The following CABP1 variants were observed in gnomAD, a reference collection of about 807,000 sequenced individuals.
CABP1 encodes calcium-binding protein 1.
A neutral mutation model predicts 34.3 loss-of-function variants in CABP1; 17 were observed. The observed-to-expected ratio is 0.50, with a 90% CI of 0.34 to 0.74. The LOEUF (loss-of-function observed/expected upper bound fraction) is 0.74, where lower values mean the gene tolerates loss of function less well. Among genes scored for constraint, CABP1 ranks in the 30% least tolerant of loss-of-function variants. The pLI, the probability that CABP1 is intolerant of heterozygous loss-of-function variation, is 0.01. For synonymous variants in CABP1, 198 were observed against 229.2 expected (o/e 0.86, Z 1.23); for missense variants, 373 against 511.1 (o/e 0.73, Z 2.61).
At chr12:120,674,633 A>C in the CABP1 span, among the ~76,000 whole-genome samples, 1 of 152,180 alleles carries the variant, frequency 6.6e-6, no homozygotes, top group African/African-American at 2.4e-5. Context: ...CCATGCCTGT[A>C]ATCTCAGCAC....
At chr12:120,669,856 G>A (rs137987009), downstream of CABP1, among the ~76,000 whole-genome samples, 324 of 152,306 alleles carry the variant, frequency 2.1e-3, no homozygotes, top group African/African-American at 7.4e-3. Flanking sequence ...GGTAAGGGGA[G>A]GCCCAGGGCA....
chr12:120,670,235 T>G (rs1358677472), downstream of CABP1, among the ~76,000 whole-genome samples: 1 of 152,190 alleles, frequency 6.6e-6, no homozygotes, highest in Non-Finnish European at 1.5e-5. Context: ...CCTCAAGGGA[T>G]CCTTCCACCT....
chr12:120,656,299 G>A (rs371657166), intron 1 of CABP1: 50 of 1,511,216 alleles, frequency 3.3e-5, no homozygotes, highest in Non-Finnish European at 3.8e-5. Context: ...AGTGGAGCCC[G>A]CTGAACTTGG....
chr12:120,640,724 G>A lies in CABP1; in HGVS notation c.39G>A (p.Gly13=). 6 of 1,185,940 alleles carry A rather than the reference G, an allele frequency of 5.1e-6. No individual in the cohort carries two copies. The highest frequency in any genetic ancestry group is 6.3e-6 in the Non-Finnish European group (6 of 958,456). The allele number at this position is 1,185,940 out of a possible 1,614,324, so 73.5% of individuals were successfully genotyped here. A position where few individuals can be genotyped will look rare whatever the true frequency, so the allele number is the denominator to read the frequency against. Residue 13 remains glycine (G), a synonymous_variant, in exon 1 of 6, where the codon GGG becomes GGA. Transcript: ENST00000316803. The surrounding 1 kb of genome is among the most constrained non-coding windows in gnomAD (Gnocchi z 6.2). ...GGDGAAFKRP[G]DGARLQRVLG... ...ACGGGGCCGCATTTAAGCGGCCGGG[G>A]GACGGCGCCCGCCTCCAGCGCGTCC...
chr12:120,651,789 A>G (rs1879863292), intron 1 of CABP1, among the ~76,000 whole-genome samples: 1 of 152,036 alleles, frequency 6.6e-6, no homozygotes, highest in South Asian at 2.1e-4. Flanking sequence ...TGTTCCTTAG[A>G]TCCTTCCAAG....
chr12:120,648,318 T>C (rs1204979945), intron 1 of CABP1, among the ~76,000 whole-genome samples: 1 of 152,084 alleles, frequency 6.6e-6, no homozygotes, highest in Non-Finnish European at 1.5e-5. Flanking sequence ...AGCTCTAATA[T>C]CTCCTGCCCA....
chr12:120,659,863 G>A lies in CABP1; in HGVS notation c.655-15G>A. 6 of 1,612,748 alleles carry A rather than the reference G, an allele frequency of 3.7e-6. No homozygotes were observed. Among genetic ancestry groups the A allele is most frequent in the Non-Finnish European group, 5.1e-6 (6 of 1,179,630 alleles). On this transcript the variant is annotated splice_polypyrimidine_tract_variant and intron_variant, in intron 1 of 5. Transcript: ENST00000316803. ...TCCCTTGTCGCGGCTAATAGGACAT[G>A]TTCTTTTGTTTCAGGATAGATCACT... is the stretch of plus-strand genomic sequence containing the variant.
intron 1 of CABP1, among the ~76,000 whole-genome samples, chr12:120,657,691 T>C (rs892397780): frequency 1.3e-5 from 2 of 152,210 alleles, no homozygotes; most frequent in African/African-American, 4.8e-5. Context: ...CAGCCATCAG[T>C]GCTCAGCAGA....
At chr12:120,664,367 C>G (rs1368590073) in intron 5 of CABP1, among the ~76,000 whole-genome samples, 1 of 152,096 alleles carries the variant, frequency 6.6e-6, no homozygotes, top group African/African-American at 2.4e-5. Context: ...TTAGAGCCCC[C>G]CAAAATGGGA....
chr12:120,655,998 C>T (rs775538231), intron 1 of CABP1: 1 of 1,581,424 alleles, frequency 6.3e-7, no homozygotes, highest in Non-Finnish European at 8.6e-7. Context: ...CTCAGGGTCC[C>T]CTCTTGCGGA....
chr12:120,668,915 G>A (rs1459876245), downstream of CABP1, among the ~76,000 whole-genome samples: 1 of 152,124 alleles, frequency 6.6e-6, no homozygotes, highest in Non-Finnish European at 1.5e-5. Context: ...CCCAGATCTG[G>A]GCCACCCCCG....
intron 1 of CABP1, among the ~76,000 whole-genome samples, chr12:120,652,375 T>C (rs77020048): frequency 1.3e-5 from 2 of 149,804 alleles, no homozygotes; most frequent in East Asian, 1.9e-4. Flanking sequence ...TTTTTTTTTT[T>C]CTAAATATCT....
At chr12:120,652,530 C>A (rs967380018) in intron 1 of CABP1, among the ~76,000 whole-genome samples, 2 of 152,086 alleles carry the variant, frequency 1.3e-5, no homozygotes, top group Non-Finnish European at 2.9e-5. Flanking sequence ...GGATTTAAAC[C>A]CTGGTCTGTG....
intron 1 of CABP1, among the ~76,000 whole-genome samples, chr12:120,642,422 T>G (rs554892456): frequency 1.3e-5 from 2 of 152,320 alleles, no homozygotes; most frequent in East Asian, 3.9e-4. Flanking sequence ...ATCTGCACAT[T>G]TCTTTTCAAA....
rs1880607965 is a variant in CABP1 at position 120,661,232 on chromosome 12, G to C, written c.1087+14G>C. ...TGGACTTTGAAGGTAGGTGGGGCTT[G>C]AAAGTGGGAGAGAAGCAAGCCAGCA... On this transcript the variant is annotated intron_variant, in intron 5 of 5. Transcript: ENST00000316803. This position sits in a 1 kb window ranked among gnomAD's most constrained non-coding sequence, Gnocchi z 5.1. The C allele has an allele frequency of 1.2e-6, 2 of 1,600,500 alleles. No homozygotes were observed. Among genetic ancestry groups the C allele is most frequent in the Non-Finnish European group, 1.7e-6 (2 of 1,178,168 alleles).
intron 1 of CABP1, among the ~76,000 whole-genome samples, chr12:120,652,348 T>G (rs2137340098): frequency 6.8e-6 from 1 of 148,094 alleles, no homozygotes; most frequent in East Asian, 1.9e-4. Context: ...GTTTCTATCA[T>G]AGTATTAATA....
chr12:120,666,851 C>G (rs1354289057), intron 5 of CABP1, 24 bp from the exon 6 acceptor site: 1 of 1,599,818 alleles, frequency 6.3e-7, no homozygotes, highest in East Asian at 2.2e-5. Flanking sequence ...TGCTTGCTCC[C>G]CAGCTGCTCC....
chr12:120,678,719 G>A, the CABP1 span, among the ~76,000 whole-genome samples: 12 of 152,156 alleles, frequency 7.9e-5, no homozygotes, highest in African/African-American at 1.9e-4. Context: ...AAACACCCAC[G>A]ACTATGATTT....
At position 120,641,326 on chromosome 12, in the gene CABP1, C is replaced by G; in HGVS notation, c.641C>G (p.Ser214Cys). The G allele has an allele frequency of 7.6e-7, 1 of 1,316,750 alleles. No individual in the cohort carries two copies. The highest frequency in any genetic ancestry group is 2.1e-5 in the South Asian group (1 of 47,622). The allele number at this position is 1,316,750 out of a possible 1,614,324, so 81.6% of individuals were successfully genotyped here. ...CACCGGCTGCGCCCCATGCTCAGCT[C>G]CGCCTTTGGCCAGGTAAGGGCCGCG... is the stretch of plus-strand genomic sequence containing the variant. ...FLHRLRPMLS[S>C]AFGQDRSLRP... The change falls in exon 1 of 6, where the codon TCC (serine) becomes TGC (cysteine). Residue 214 changes from serine (S) to cysteine (C), a missense_variant. By Grantham distance (112) the Ser-to-Cys change is moderately radical. This residue lies in a region of CABP1 where 121 missense variants were observed against 125.5 expected (regional missense o/e 0.96). Coordinates refer to ENST00000316803, the MANE Select transcript of CABP1 (RefSeq NM_001033677.2). This position sits in a 1 kb window ranked among gnomAD's most constrained non-coding sequence, Gnocchi z 6.7.
Sources: gnomAD v4.1 joint callset for allele counts (sites outside exome capture counted in the v4.1 genomes callset) on GRCh38, gnomAD v4.1.1 for gene constraint, gnomAD v4.1.1 regional missense constraint, Gnocchi (gnomAD v3.1) non-coding constraint, MANE v1.5 for transcripts, NCBI Gene and HGNC (gene_info 2026-07-23, HGNC 2026-07-21) for gene names.